Variants in GDA observed in about 807,000 individuals in gnomAD.
GDA encodes the protein cytoplasmic PSD-95 interactor.
GDA carries 18 observed loss-of-function variants against 59.6 expected under a neutral mutation model. That is an observed-to-expected ratio of 0.30 (90% confidence interval 0.21 to 0.45). The LOEUF is 0.45. GDA is among the 20% of genes least tolerant of loss of function. The pLI is 1.00. For missense variants in GDA, 427 were observed against 552.3 expected (o/e 0.77, Z 2.27); for synonymous variants, 201 against 201.1 (o/e 1.00, Z 0.00).
chr9:72,142,162 G>A (rs887644229), intron 1 of GDA, among the ~76,000 whole-genome samples: 3 of 152,140 alleles, frequency 2.0e-5, no homozygotes, highest in Admixed American at 2.0e-4. Context: ...CAGAAGTTCT[G>A]ATTGGTAGTT....
At chr9:72,194,518 C>T (rs1477980930) in intron 1 of GDA, among the ~76,000 whole-genome samples, 1 of 152,166 alleles carries the variant, frequency 6.6e-6, no homozygotes, top group Non-Finnish European at 1.5e-5. Flanking sequence ...CTTCCCTCTC[C>T]TCTCCTCGAG....
At chr9:72,147,132 C>T (rs1044314987), upstream of GDA, among the ~76,000 whole-genome samples, 1 of 152,158 alleles carries the variant, frequency 6.6e-6, no homozygotes, top group Admixed American at 6.5e-5. Flanking sequence ...GTTTGATGTA[C>T]CTTTTCAATT....
At chr9:72,121,107 A>C (rs1825644410) in intron 1 of GDA, among the ~76,000 whole-genome samples, 1 of 152,198 alleles carries the variant, frequency 6.6e-6, no homozygotes, top group African/African-American at 2.4e-5. Context: ...TTCACTAAGC[A>C]TTTAGTTCGT....
In GDA at chr9:72,152,926, C is replaced by T. The variant is rs546932034; in HGVS notation, c.123+3244C>T. Reference sequence around the variant, plus strand: ...TTCTAGGGTTTTTATGGTTTTAGGTCTAACGTTTAAGTCTTTAATCCATCT... The same window carrying T: ...TTCTAGGGTTTTTATGGTTTTAGGTTTAACGTTTAAGTCTTTAATCCATCT... On this transcript the variant is annotated intron_variant, in intron 1 of 13. Coordinates refer to ENST00000358399, the MANE Select transcript of GDA (RefSeq NM_004293.5). Among the ~76,000 whole-genome samples, 747 of 152,154 alleles carry T rather than the reference C, an allele frequency of 4.9e-3. 5 individuals are homozygous for T. The highest frequency in any genetic ancestry group is 0.016 in the African/African-American group (672 of 41,516).
intron 1 of GDA, among the ~76,000 whole-genome samples, chr9:72,152,213 G>A (rs1160446427): frequency 6.6e-6 from 1 of 152,116 alleles, no homozygotes; most frequent in Non-Finnish European, 1.5e-5. Context: ...TTAGATCTGG[G>A]GTAGAATCTC....
chr9:72,167,794 G>GTAAT (rs770639225), intron 1 of GDA, among the ~76,000 whole-genome samples: 23 of 152,344 alleles, frequency 1.5e-4, no homozygotes, highest in Non-Finnish European at 2.4e-4. Context: ...ATACCTCAGT[G>GTAAT]TAATGTCTTG....
At chr9:72,169,488 A>G (rs900084662) in intron 1 of GDA, among the ~76,000 whole-genome samples, 10 of 152,206 alleles carry the variant, frequency 6.6e-5, no homozygotes, top group African/African-American at 2.2e-4. Flanking sequence ...TTTTAAATCT[A>G]TTCTTTTGGA....
chr9:72,116,848 C>T (rs976412976), intron 1 of GDA, among the ~76,000 whole-genome samples: 3 of 151,996 alleles, frequency 2.0e-5, no homozygotes, highest in African/African-American at 4.8e-5. Context: ...CATATGTATA[C>T]ATGTGCCATG....
chr9:72,152,288 G>T (rs1295239922), intron 1 of GDA, among the ~76,000 whole-genome samples: 2 of 152,118 alleles, frequency 1.3e-5, no homozygotes, highest in East Asian at 3.9e-4. Context: ...TCCTTATTTT[G>T]TATAACTTCG....
intron 1 of GDA, among the ~76,000 whole-genome samples, chr9:72,163,971 G>A (rs1018750911): frequency 1.3e-5 from 2 of 152,124 alleles, no homozygotes; most frequent in Non-Finnish European, 1.5e-5. Context: ...TGTTTTAGTT[G>A]GGTATGACAA....
intron 1 of GDA, chr9:72,193,820 C>G (rs1262324065): frequency 6.6e-6 from 1 of 152,214 alleles, no homozygotes; most frequent in Admixed American, 6.5e-5. Context: ...ACCTGGTGTT[C>G]TATTGTACTG....
At chr9:72,203,160 C>T (rs747632043) in intron 3 of GDA, among the ~76,000 whole-genome samples, 1 of 152,150 alleles carries the variant, frequency 6.6e-6, no homozygotes, top group Non-Finnish European at 1.5e-5. Context: ...ATGATAGTAC[C>T]TATTTCACAG....
intron 1 of GDA, among the ~76,000 whole-genome samples, chr9:72,137,035 A>G (rs1480714792): frequency 6.6e-6 from 1 of 152,044 alleles, no homozygotes; most frequent in African/African-American, 2.4e-5. Flanking sequence ...TGAATATTAA[A>G]ACTAACAAAG....
intron 6 of GDA, among the ~76,000 whole-genome samples, chr9:72,221,336 G>A (rs1227440506): frequency 6.6e-6 from 1 of 152,206 alleles, no homozygotes; most frequent in East Asian, 1.9e-4. Flanking sequence ...TGTGGTGGCA[G>A]AGGAGCATCT....
At chr9:72,178,737 C>G (rs10869140) in intron 1 of GDA, among the ~76,000 whole-genome samples, 27,172 of 151,924 alleles carry the variant, frequency 0.18, 2,705 homozygotes, top group African/African-American at 0.27. Flanking sequence ...TTTTTATGGG[C>G]GACTGTTCTG....
chr9:72,162,816 A>C (rs7039714), intron 1 of GDA, among the ~76,000 whole-genome samples: 28,229 of 151,646 alleles, frequency 0.19, 2,971 homozygotes, highest in African/African-American at 0.3. Flanking sequence ...CGCCACCACA[A>C]CCAGCTAATT....
chr9:72,165,436 C>T (rs115464187), intron 1 of GDA, among the ~76,000 whole-genome samples: 3 of 152,018 alleles, frequency 2.0e-5, no homozygotes, highest in African/African-American at 4.8e-5. Flanking sequence ...ATTTTATTAA[C>T]GTCAAGCAAG....
chr9:72,196,774 G>C (rs1194640066), intron 2 of GDA, among the ~76,000 whole-genome samples: 1 of 143,766 alleles, frequency 7.0e-6, no homozygotes, highest in East Asian at 2.1e-4. Context: ...CCCGGTGTGT[G>C]ATGTTCCCTT....
chr9:72,132,619 G>C (rs1826065623), intron 1 of GDA, among the ~76,000 whole-genome samples: 2 of 152,152 alleles, frequency 1.3e-5, no homozygotes, highest in South Asian at 4.1e-4. Context: ...TCAAGAGGAT[G>C]CTGTTGGTGT....
Sources: allele counts gnomAD v4.1 joint callset (sites outside exome capture counted in the v4.1 genomes callset), GRCh38; gene constraint gnomAD v4.1.1; transcripts MANE v1.5; gene names NCBI Gene and HGNC (gene_info 2026-07-23, HGNC 2026-07-21).